ZNF407: variants seen among roughly 807,000 people sequenced by gnomAD.
The protein encoded by ZNF407 is zinc finger protein 407.
Under a neutral mutation model 131.2 loss-of-function variants are expected in ZNF407, and 17 were observed. That is an observed-to-expected ratio of 0.13 (90% CI 0.09 to 0.19). The LOEUF (loss-of-function observed/expected upper bound fraction) is 0.19, where lower values mean the gene tolerates loss of function less well. ZNF407 is among the 10% of genes least tolerant of loss of function. The pLI is 1.00. For missense variants in ZNF407, 2,681 were observed against 2,830.6 expected (o/e 0.95, Z 1.20); for synonymous variants, 1,156 against 1,062.0 (o/e 1.09, Z -1.72).
intron 8 of ZNF407, among the ~76,000 whole-genome samples, chr18:75,052,320 G>A (rs895463482): frequency 6.6e-6 from 1 of 152,084 alleles, no homozygotes; most frequent in Non-Finnish European, 1.5e-5. Context: ...CAGGAGTCGC[G>A]CGCTTATGCT....
chr18:74,970,572 A>T (rs1366463232), intron 8 of ZNF407, among the ~76,000 whole-genome samples: 1 of 152,202 alleles, frequency 6.6e-6, no homozygotes, highest in Non-Finnish European at 1.5e-5. Flanking sequence ...GTCCAAAATG[A>T]TCTCCTTTGA....
At chr18:74,858,438 A>G (rs974542976) in intron 4 of ZNF407, among the ~76,000 whole-genome samples, 5 of 152,160 alleles carry the variant, frequency 3.3e-5, no homozygotes, top group African/African-American at 1.2e-4. Context: ...TAGCCATACT[A>G]CCTATCCTGA....
At chr18:74,811,637 A>C (rs11150957) in intron 4 of ZNF407, among the ~76,000 whole-genome samples, 3 of 151,022 alleles carry the variant, frequency 2.0e-5, no homozygotes, top group African/African-American at 7.3e-5. Context: ...ATGTCCAACA[A>C]TGATAGACTG....
chr18:74,813,521 G>A (rs1210221588), intron 4 of ZNF407, among the ~76,000 whole-genome samples: 2 of 152,146 alleles, frequency 1.3e-5, no homozygotes, highest in Non-Finnish European at 2.9e-5. Context: ...GACCTGCTTT[G>A]CCACTGGGGT....
intron 4 of ZNF407, among the ~76,000 whole-genome samples, chr18:74,876,299 T>C (rs1333117610): frequency 6.6e-6 from 1 of 152,252 alleles, no homozygotes; most frequent in Non-Finnish European, 1.5e-5. Context: ...TGAGTTTTAC[T>C]TTGCTTTTGA....
At chr18:74,827,543 C>T (rs1970425757) in intron 4 of ZNF407, among the ~76,000 whole-genome samples, 2 of 151,930 alleles carry the variant, frequency 1.3e-5, no homozygotes, top group African/African-American at 4.8e-5. Flanking sequence ...CCTCATGTGT[C>T]CTTTTGATGT....
At chr18:74,914,283 G>A (rs963445441) in intron 7 of ZNF407, among the ~76,000 whole-genome samples, 5 of 152,216 alleles carry the variant, frequency 3.3e-5, no homozygotes, top group South Asian at 2.1e-4. Flanking sequence ...GTTCTGTCAC[G>A]TGGAGCTGTA....
At chr18:75,014,866 A>G (rs1441464861) in intron 8 of ZNF407, among the ~76,000 whole-genome samples, 1 of 152,134 alleles carries the variant, frequency 6.6e-6, no homozygotes, top group Non-Finnish European at 1.5e-5. Flanking sequence ...CCATGTTCCA[A>G]CAATAATAGC....
Position 74,632,123 on chromosome 18 carries a change from C to T in ZNF407, c.1104C>T (p.Ser368=). The T allele has an allele frequency of 6.2e-7, 1 of 1,613,906 alleles. No homozygotes were observed. The highest frequency in any genetic ancestry group is 1.3e-5 in the African/African-American group (1 of 74,996). The change falls in exon 2 of 9, where the codon TCC becomes TCT. Residue 368 remains serine, a synonymous_variant. Coordinates refer to ENST00000299687, the MANE Select transcript of ZNF407 (RefSeq NM_017757.3). The part of the protein sequence containing the change: ...EVEIVEEHVT[S]LGLAQNPENQ... ...AGATTGTTGAAGAACATGTTACTTC[C>T]CTTGGTCTAGCTCAGAATCCTGAAA...
At chr18:74,815,858 GA>G (rs1568228113) in intron 4 of ZNF407, among the ~76,000 whole-genome samples, 1 of 152,120 alleles carries the variant, frequency 6.6e-6, no homozygotes, top group South Asian at 2.1e-4. Flanking sequence ...TTATTACTGC[GA>G]AAGTATACGC....
At position 74,953,480 on chromosome 18, in the gene ZNF407, C is replaced by T. The variant is rs1025639310; in HGVS notation, c.5428+32788C>T. Reference sequence around the variant, plus strand: ...TCTTTTCTCTGCAGGCATCCTTAGTCGCCTTAACTTGGATTTTTTTAAACT... The same window carrying T: ...TCTTTTCTCTGCAGGCATCCTTAGTTGCCTTAACTTGGATTTTTTTAAACT... On this transcript the variant is annotated intron_variant, in intron 8 of 8. Coordinates refer to ENST00000299687, the MANE Select transcript of ZNF407 (RefSeq NM_017757.3). Among the ~76,000 whole-genome samples the T allele has an allele frequency of 1.6e-4, 24 of 152,244 alleles. 1 individual carries two copies. The highest frequency in any genetic ancestry group is 4.6e-4 in the African/African-American group (19 of 41,542).
intron 8 of ZNF407, among the ~76,000 whole-genome samples, chr18:75,016,195 T>C (rs1973042278): frequency 6.6e-6 from 1 of 152,080 alleles, no homozygotes; most frequent in Non-Finnish European, 1.5e-5. Context: ...ATTTGTGTCC[T>C]CATGCAGAGC....
At chr18:74,621,560 A>G (rs1010883727) in intron 1 of ZNF407, among the ~76,000 whole-genome samples, 5 of 151,840 alleles carry the variant, frequency 3.3e-5, no homozygotes, top group African/African-American at 4.8e-5. Flanking sequence ...TCCTTCCCCC[A>G]TGGGCCTCCC....
chr18:74,996,772 T>C (rs1239986707), intron 8 of ZNF407, among the ~76,000 whole-genome samples: 4 of 152,242 alleles, frequency 2.6e-5, no homozygotes, highest in Non-Finnish European at 5.9e-5. Flanking sequence ...GAAAATAAAA[T>C]AAAAACTATC....
intron 1 of ZNF407, among the ~76,000 whole-genome samples, chr18:74,616,561 T>A (rs1443694069): frequency 3.3e-5 from 5 of 151,920 alleles, no homozygotes; most frequent in Admixed American, 6.6e-5. Flanking sequence ...GCATTCTGAT[T>A]GTTGTTTTTT....
intron 8 of ZNF407, among the ~76,000 whole-genome samples, chr18:75,002,483 C>G (rs1009426218): frequency 1.3e-5 from 2 of 152,242 alleles, no homozygotes; most frequent in East Asian, 1.9e-4. Context: ...CAGCCAGACT[C>G]TAAGCCCCAT....
intron 4 of ZNF407, among the ~76,000 whole-genome samples, chr18:74,823,346 A>G (rs758433416): frequency 4.6e-5 from 7 of 152,234 alleles, no homozygotes; most frequent in Admixed American, 2.0e-4. Context: ...GACAGGATCA[A>G]ATTCACACAT....
intron 4 of ZNF407, among the ~76,000 whole-genome samples, chr18:74,827,470 T>C (rs1381673121): frequency 6.6e-6 from 1 of 152,054 alleles, no homozygotes; most frequent in African/African-American, 2.4e-5. Context: ...CTCCATTGTT[T>C]TCATTTTTTT....
chr18:74,942,660 G>A (rs578108442), intron 8 of ZNF407, among the ~76,000 whole-genome samples: 31 of 152,270 alleles, frequency 2.0e-4, no homozygotes, highest in Middle Eastern at 3.4e-3. Flanking sequence ...GCTGGTCCAC[G>A]GGGCGGCTGG....
Sources: gnomAD v4.1 joint callset for allele counts (sites outside exome capture counted in the v4.1 genomes callset) on GRCh38, gnomAD v4.1.1 for gene constraint, MANE v1.5 for transcripts, NCBI Gene and HGNC (gene_info 2026-07-23, HGNC 2026-07-21) for gene names.